Variants in LAMA1 observed in about 807,000 individuals in gnomAD.
LAMA1 encodes laminin subunit alpha-1.
A neutral mutation model predicts 348.7 loss-of-function variants in LAMA1; 219 were observed. The ratio of observed to expected loss-of-function variants is 0.63; its 90% CI spans 0.56 to 0.70. The LOEUF is 0.70. Among genes scored for constraint, LAMA1 ranks in the 30% least tolerant of loss-of-function variants. LAMA1 has a pLI of 0.00. For missense variants in LAMA1, 3,744 were observed against 3,888.0 expected (o/e 0.96, Z 0.99); for synonymous variants, 1,487 against 1,491.0 (o/e 1.00, Z 0.06).
chr18:7,023,745 C>A (rs1039296068), intron 18 of LAMA1, among the ~76,000 whole-genome samples: 5 of 152,184 alleles, frequency 3.3e-5, no homozygotes, highest in African/African-American at 1.2e-4. Context: ...GCTACTAAAG[C>A]AAACCACCTG....
In LAMA1 at chr18:6,980,646, A is replaced by G. The variant is rs1281998340; in HGVS notation, c.5891-9T>C. On this transcript the variant is annotated splice_polypyrimidine_tract_variant and intron_variant, in intron 41 of 62. Transcript: ENST00000389658. ...CAGTTCCAATGCAATACCTATTTAA[A>G]GGGAGAAAAATGTTTCCTTTCAGGT... 6 of 1,547,246 alleles carry G rather than the reference A, an allele frequency of 3.9e-6. No homozygotes were observed. Among genetic ancestry groups the G allele is most frequent in the Middle Eastern group, 1.8e-4 (1 of 5,464 alleles).
intron 3 of LAMA1, among the ~76,000 whole-genome samples, chr18:7,052,951 C>T (rs932874110): frequency 7.2e-5 from 11 of 152,150 alleles, no homozygotes; most frequent in African/African-American, 2.4e-4. Context: ...ACCCAGGAGG[C>T]GGAGGTTGTA....
At chr18:7,007,331 AC>A (rs545011695) in intron 28 of LAMA1, 55 bp from the exon 29 acceptor site, 152 of 1,543,628 alleles carry the variant, frequency 9.8e-5, no homozygotes, top group Non-Finnish European at 1.3e-4. Flanking sequence ...TGAGTGAAGG[AC>A]TTGAATAGAC....
intron 33 of LAMA1, 59 bp downstream of exon 33, chr18:6,997,683 A>G (rs746255734): frequency 2.6e-6 from 4 of 1,568,008 alleles, no homozygotes; most frequent in Non-Finnish European, 3.5e-6. Flanking sequence ...CACCATTCCC[A>G]ATGACTATAT....
At chr18:7,016,399 C>CATTA in intron 21 of LAMA1, 92 bp downstream of exon 21, 1 of 1,405,006 alleles carries the variant, frequency 7.1e-7, no homozygotes, top group Non-Finnish European at 1.0e-6. Flanking sequence ...AAAGTAAAGG[C>CATTA]ACTTAACCAA....
chr18:6,955,872 C>T (rs1419633367), intron 56 of LAMA1: 2 of 353,678 alleles, frequency 5.7e-6, no homozygotes, highest in East Asian at 7.3e-5. Context: ...ACTGGAGGTG[C>T]CCACAGGTGA....
intron 61 of LAMA1, 96 bp from the exon 62 acceptor site, chr18:6,943,498 A>G: frequency 1.0e-6 from 1 of 995,240 alleles, no homozygotes; most frequent in Non-Finnish European, 1.6e-6. Flanking sequence ...CATTATGTTT[A>G]AAAGGAGAGC....
chr18:7,038,209 C>T (rs2058004030), intron 11 of LAMA1, among the ~76,000 whole-genome samples: 1 of 152,304 alleles, frequency 6.6e-6, no homozygotes, highest in Non-Finnish European at 1.5e-5. Context: ...CTCCCCCCAG[C>T]GTGGTGTCCA....
Position 7,002,408 on chromosome 18 carries a change from A to AG in LAMA1, c.4261-24dup, listed in dbSNP as rs777974198. 1.2e-5 allele frequency: 20 copies of AG among 1,609,810 alleles called. No homozygotes were observed. In the African/African-American group the frequency reaches 2.4e-4, roughly 20 times the overall value. On this transcript the variant is annotated intron_variant, in intron 29 of 62. Transcript: ENST00000389658. Reference sequence around the variant, plus strand: ...GTTCTGGGAGCCCACATTTAAAGGAAGGGGGAAAAAATGGGAAATTGTTAG... The same window carrying AG: ...GTTCTGGGAGCCCACATTTAAAGGAAGGGGGGAAAAAATGGGAAATTGTTAG...
chr18:6,959,382 AC>A lies in LAMA1; in HGVS notation c.7736del (p.Ser2579MetfsTer29). On this transcript the variant is annotated frameshift_variant, in exon 54 of 63. Coordinates refer to ENST00000389658, the MANE Select transcript of LAMA1 (RefSeq NM_005559.4). LOFTEE classifies it high-confidence loss of function. ...ALLHAPTGTC[S>X]DGQAHSISLV... is the part of the protein sequence containing the mutation. ...AGGAGATGGAATGCGCTTGTCCATC[AC>A]TGCAGGTACCCGTGGGAGCGTGCAG... 2.5e-6 allele frequency: 4 copies of A among 1,614,100 alleles called. No individual in the cohort carries two copies. The highest frequency in any genetic ancestry group is 3.4e-6 in the Non-Finnish European group (4 of 1,180,016).
At chr18:7,042,865 G>C (rs896369808) in intron 8 of LAMA1, 11 of 245,702 alleles carry the variant, frequency 4.5e-5, no homozygotes, top group Admixed American at 1.0e-4. Flanking sequence ...CCTGGCGACA[G>C]AGCGAGACTC....
chr18:6,945,452 AAAC>A, intron 61 of LAMA1, among the ~76,000 whole-genome samples: 1 of 152,268 alleles, frequency 6.6e-6, no homozygotes, highest in African/African-American at 2.4e-5. Flanking sequence ...GAAATACCAG[AAAC>A]AACCGGTAAG....
chr18:6,970,031 A>G (rs544551130), intron 48 of LAMA1, among the ~76,000 whole-genome samples: 3 of 152,178 alleles, frequency 2.0e-5, no homozygotes, highest in Non-Finnish European at 2.9e-5. Flanking sequence ...CAGTGAGGTT[A>G]ATGATCTGGG....
rs749151487 is a variant in LAMA1, at chr18:7,002,288, G to A, written c.4358C>T (p.Ala1453Val). ...CCTGGCAGGAGGGCTGTGAGGACAG[G>A]CACACAGAGCACAGTCACTTGCTGA... ...TGSASDCALC[A>V]CPHSPPASFS... is the part of the protein sequence containing the mutation. Residue 1453 changes from alanine to valine, a missense_variant, in exon 30 of 63, where the codon GCC (alanine) becomes GTC (valine). Physicochemically the swap from Ala to Val is moderately conservative, Grantham distance 64 (BLOSUM62 0). Transcript: ENST00000389658. The A allele has an allele frequency of 1.9e-6, 3 of 1,612,806 alleles. No individual in the cohort carries two copies. Among genetic ancestry groups the A allele is most frequent in the South Asian group, 1.1e-5 (1 of 91,084 alleles).
chr18:6,959,570 A>G, intron 53 of LAMA1, 78 bp from the exon 54 acceptor site: 1 of 1,487,136 alleles, frequency 6.7e-7, no homozygotes, highest in Non-Finnish European at 9.2e-7. Flanking sequence ...TTATGAAGAT[A>G]ACGTGAGAAG....
At chr18:7,037,511 C>T in intron 12 of LAMA1, 67 bp downstream of exon 12, 1 of 1,582,294 alleles carries the variant, frequency 6.3e-7, no homozygotes, top group Admixed American at 1.7e-5. Context: ...GCAGGCAGCG[C>T]AAGTTCTTTC....
At chr18:6,977,693 C>T (rs554424899) in intron 44 of LAMA1, 34 bp downstream of exon 44, 10 of 1,613,018 alleles carry the variant, frequency 6.2e-6, no homozygotes, top group Admixed American at 1.7e-5. Flanking sequence ...TGACTGAGAG[C>T]CCAGTTACGA....
chr18:7,040,214 T>C lies in LAMA1; in HGVS notation c.1284A>G (p.Pro428=). ...LHNGKQPGQC[P]CKEGYTGEKC... Reference sequence around the variant, plus strand: ...TTTCTCCTGTATAACCTTCCTTACATGGGCACTGACCTGGCTGCTTCCCTA... The same window carrying C: ...TTTCTCCTGTATAACCTTCCTTACACGGGCACTGACCTGGCTGCTTCCCTA... The change falls in exon 10 of 63, where the codon CCA becomes CCG. Residue 428 remains proline (P), a synonymous_variant. Transcript: ENST00000389658. 3 of 1,614,138 alleles carry C rather than the reference T, an allele frequency of 1.9e-6. No homozygotes were observed. Among genetic ancestry groups the C allele is most frequent in the South Asian group, 1.1e-5 (1 of 91,074 alleles).
intron 1 of LAMA1, among the ~76,000 whole-genome samples, chr18:7,106,362 A>AT (rs397690964): frequency 0.038 from 5,290 of 139,876 alleles, 169 homozygotes; most frequent in African/African-American, 0.095. Context: ...CCTGGGAAGC[A>AT]TTTTTTTTTT....
Sources: gnomAD v4.1 joint callset for allele counts (sites outside exome capture counted in the v4.1 genomes callset) on GRCh38, gnomAD v4.1.1 for gene constraint, MANE v1.5 for transcripts, NCBI Gene and HGNC (gene_info 2026-07-23, HGNC 2026-07-21) for gene names.